The following ELAVL2 variants were observed in gnomAD, a reference collection of about 807,000 sequenced individuals.
The protein encoded by ELAVL2 is ELAV like RNA binding protein 2.
ELAVL2 carries 4 observed loss-of-function variants against 34.6 expected under a neutral mutation model. The observed-to-expected ratio is 0.12, with a 90% CI of 0.06 to 0.26. ELAVL2 has a LOEUF of 0.26. ELAVL2 is among the 10% of genes least tolerant of loss of function. The pLI is 1.00. For synonymous variants in ELAVL2, 193 were observed against 154.8 expected, an observed-to-expected ratio of 1.25 and a Z score of -1.83; for missense variants, 432 against 442.8, an observed-to-expected ratio of 0.98 and a Z score of 0.22.
At position 23,731,002 on chromosome 9, in the gene ELAVL2, TA is replaced by T. The variant is rs1471605593; in HGVS notation, c.333+19del. 5 of 1,595,836 alleles carry T rather than the reference TA, an allele frequency of 3.1e-6. No homozygotes were observed. In the African/African-American group the frequency reaches 5.4e-5, roughly 17 times the overall value. On this transcript the variant is annotated intron_variant, in intron 3 of 6. Transcript: ENST00000397312. ...TAAACTTCTGTTCCGCAAGTAGATA[TA>T]AAAAAACTTTAAACATACTTTTATT...
the ELAVL2 span, among the ~76,000 whole-genome samples, chr9:23,844,464 A>G: frequency 4.7e-4 from 71 of 152,182 alleles, 2 homozygotes; most frequent in African/African-American, 1.7e-3. Context: ...AGATTTAATG[A>G]TAAATTAAGC....
intron 2 of ELAVL2, among the ~76,000 whole-genome samples, chr9:23,755,049 G>A (rs993704219): frequency 3.9e-5 from 6 of 151,954 alleles, no homozygotes; most frequent in Admixed American, 2.0e-4. Context: ...TTCCTATTCC[G>A]CAAAGTCCAA....
At chr9:23,830,595 C>T (rs1047661981), upstream of ELAVL2, among the ~76,000 whole-genome samples, 2 of 132,802 alleles carry the variant, frequency 1.5e-5, no homozygotes, top group Non-Finnish European at 3.3e-5. Context: ...TTCCCAGCCC[C>T]CCACTTACAC....
Position 23,769,723 on chromosome 9 carries a change from G to C in ELAVL2, c.-15-7474C>G, listed in dbSNP as rs552160657. On this transcript the variant is annotated intron_variant, in intron 1 of 6. Coordinates refer to ENST00000397312, the MANE Select transcript of ELAVL2 (RefSeq NM_004432.5). ...GGGGCTAACAACGGCCCAAGAACTTGCAGAGACAATGCACTGAACAGCTGC... is the reference window on the plus strand; with the variant it reads ...GGGGCTAACAACGGCCCAAGAACTTCCAGAGACAATGCACTGAACAGCTGC... Among the ~76,000 whole-genome samples the C allele has an allele frequency of 4.3e-4, 66 of 152,288 alleles. No homozygotes were observed. In the South Asian group the frequency reaches 0.013, roughly 31 times the overall value.
At chr9:23,696,786 C>T (rs1238957968) in intron 5 of ELAVL2, among the ~76,000 whole-genome samples, 1 of 152,042 alleles carries the variant, frequency 6.6e-6, no homozygotes, top group Non-Finnish European at 1.5e-5. Flanking sequence ...TATTTATGGT[C>T]ATTTATAAAT....
At chr9:23,840,775 A>C in the ELAVL2 span, among the ~76,000 whole-genome samples, 1 of 152,176 alleles carries the variant, frequency 6.6e-6, no homozygotes, top group African/African-American at 2.4e-5. Flanking sequence ...ACTTCTATTT[A>C]ATAAACATAG....
intron 1 of ELAVL2, among the ~76,000 whole-genome samples, chr9:23,811,441 C>G (rs575711649): frequency 1.3e-5 from 2 of 152,256 alleles, no homozygotes; most frequent in South Asian, 2.1e-4. Flanking sequence ...AGTCAGCAGC[C>G]CAGACAACAC....
At chr9:23,737,209 T>A (rs1281067096) in intron 2 of ELAVL2, among the ~76,000 whole-genome samples, 1 of 152,208 alleles carries the variant, frequency 6.6e-6, no homozygotes, top group Admixed American at 6.5e-5. Context: ...TGTGAATGAC[T>A]GAATGAAAAA....
chr9:23,774,986 T>G (rs2057966348), intron 1 of ELAVL2, among the ~76,000 whole-genome samples: 1 of 152,190 alleles, frequency 6.6e-6, no homozygotes, highest in Admixed American at 6.5e-5. Context: ...TCCTATCATC[T>G]TTCTCCTATC....
chr9:23,714,898 G>A (rs565623472), intron 3 of ELAVL2, among the ~76,000 whole-genome samples: 39 of 151,994 alleles, frequency 2.6e-4, no homozygotes, highest in Non-Finnish European at 3.8e-4. Context: ...GAATACATTC[G>A]AGAGACTAAA....
At chr9:23,773,380 T>G (rs1281972135) in intron 1 of ELAVL2, among the ~76,000 whole-genome samples, 1 of 152,116 alleles carries the variant, frequency 6.6e-6, no homozygotes, top group African/African-American at 2.4e-5. Context: ...CCTCACCATC[T>G]CACCCAGCAT....
chr9:23,787,458 C>T (rs1365497592), intron 1 of ELAVL2, among the ~76,000 whole-genome samples: 1 of 151,764 alleles, frequency 6.6e-6, no homozygotes, highest in Non-Finnish European at 1.5e-5. Context: ...TCTCGAACTC[C>T]TAACCTCAGG....
intron 2 of ELAVL2, among the ~76,000 whole-genome samples, chr9:23,752,269 G>A (rs1483649369): frequency 1.3e-5 from 2 of 152,192 alleles, no homozygotes; most frequent in East Asian, 3.9e-4. Context: ...TGAGTGGCTA[G>A]GCTGGAATTG....
At chr9:23,744,454 AAT>A (rs956059157) in intron 2 of ELAVL2, among the ~76,000 whole-genome samples, 1 of 152,180 alleles carries the variant, frequency 6.6e-6, no homozygotes. Context: ...GAAGGAATAA[AAT>A]AGTTATATAT....
At chr9:23,770,126 C>G (rs1020769719) in intron 1 of ELAVL2, among the ~76,000 whole-genome samples, 1 of 152,198 alleles carries the variant, frequency 6.6e-6, no homozygotes, top group Admixed American at 6.5e-5. Context: ...TCTTGGAGTG[C>G]TGATTTGCTG....
intron 1 of ELAVL2, among the ~76,000 whole-genome samples, chr9:23,779,076 A>G (rs1295881870): frequency 1.3e-5 from 2 of 152,228 alleles, no homozygotes; most frequent in Non-Finnish European, 2.9e-5. Flanking sequence ...CACACAAAAA[A>G]GATAAAAATC....
chr9:23,735,418 C>G (rs950373833), intron 2 of ELAVL2: 2 of 152,200 alleles, frequency 1.3e-5, no homozygotes, highest in African/African-American at 4.8e-5. Context: ...GCTGGGATTA[C>G]AGGCATGCAT....
At chr9:23,837,452 A>C in the ELAVL2 span, among the ~76,000 whole-genome samples, 3 of 152,210 alleles carry the variant, frequency 2.0e-5, no homozygotes, top group Admixed American at 6.5e-5. Flanking sequence ...GATTAGTAAT[A>C]ATAGTGTATG....
the ELAVL2 span, among the ~76,000 whole-genome samples, chr9:23,844,141 C>T: frequency 1.3e-5 from 2 of 152,006 alleles, no homozygotes; most frequent in African/African-American, 2.4e-5. Flanking sequence ...TAAAGTCAAC[C>T]ACAGGCATAT....
Sources: allele counts gnomAD v4.1 joint callset (sites outside exome capture counted in the v4.1 genomes callset), GRCh38; gene constraint gnomAD v4.1.1; transcripts MANE v1.5; gene names NCBI Gene and HGNC (gene_info 2026-07-23, HGNC 2026-07-21).